TNRC6A: variants seen among roughly 807,000 people sequenced by gnomAD.
TNRC6A encodes the protein trinucleotide repeat containing adaptor 6A, also known as trinucleotide repeat-containing gene 6A protein.
Under a neutral mutation model 221.2 loss-of-function variants are expected in TNRC6A, and 44 were observed. The ratio of observed to expected loss-of-function variants is 0.20; its 90% CI spans 0.16 to 0.26. TNRC6A has a LOEUF of 0.26. Among genes scored for constraint, TNRC6A ranks in the 10% least tolerant of loss-of-function variants. TNRC6A has a pLI of 1.00. For missense variants in TNRC6A, 2,199 were observed against 2,404.4 expected (o/e 0.91, Z 1.79); for synonymous variants, 847 against 838.5 (o/e 1.01, Z -0.18).
Position 24,804,859 on chromosome 16 carries a change from C to T in TNRC6A, c.3984+8C>T, listed in dbSNP as rs576215951. 4.3e-6 allele frequency: 7 copies of T among 1,613,604 alleles called. No individual in the cohort carries two copies. The South Asian group carries it at 7.7e-5, about 18-fold the overall frequency. The stretch of plus-strand genomic sequence containing the variant: ...TTGAATTCTGTTAGACAGGTAAGTC[C>T]AGATGTGTATTTTAGGCTCTCAGTT... On this transcript the variant is annotated splice_region_variant and intron_variant, in intron 13 of 24. Transcript: ENST00000395799.
intron 2 of TNRC6A, among the ~76,000 whole-genome samples, chr16:24,732,119 A>G (rs1348604198): frequency 6.6e-6 from 1 of 152,220 alleles, no homozygotes; most frequent in African/African-American, 2.4e-5. Context: ...CAAATATCAA[A>G]GAGATTGTAA....
intron 2 of TNRC6A, among the ~76,000 whole-genome samples, chr16:24,692,897 T>A (rs2055784144): frequency 6.6e-6 from 1 of 152,098 alleles, no homozygotes; most frequent in Non-Finnish European, 1.5e-5. Context: ...ACAGTTCCTG[T>A]AGGCACTAGA....
In TNRC6A at chr16:24,776,972, C is replaced by A. The variant is rs374907396; in HGVS notation, c.203C>A (p.Pro68His). 1 of 1,614,140 alleles carries A rather than the reference C, an allele frequency of 6.2e-7. No individual in the cohort carries two copies. The highest frequency in any genetic ancestry group is 1.1e-5 in the South Asian group (1 of 91,076). Residue 68 changes from proline to histidine, a missense_variant, in exon 5 of 25, where the codon CCT (proline) becomes CAT (histidine). Coordinates refer to ENST00000395799, the MANE Select transcript of TNRC6A (RefSeq NM_014494.4). ...QIKPSVSQPQ[P>H]ANSNNGTSTA... ...AAGCCCAGTGTAAGCCAGCCTCAGC[C>A]TGCCAACTCTAATAACGGCACTTCC...
At chr16:24,644,503 A>G (rs1306269717) in intron 2 of TNRC6A, among the ~76,000 whole-genome samples, 2 of 152,152 alleles carry the variant, frequency 1.3e-5, no homozygotes, top group African/African-American at 2.4e-5. Flanking sequence ...TACGTTGCCC[A>G]GGCTGGTCTT....
chr16:24,797,513 A>G lies in TNRC6A; in HGVS notation c.3585A>G (p.Lys1195=), dbSNP rs781173171. 10 of 1,611,062 alleles carry G rather than the reference A, an allele frequency of 6.2e-6. No homozygotes were observed. The highest frequency in any genetic ancestry group is 8.5e-6 in the Non-Finnish European group (10 of 1,179,248). ...AGGGAATGATGAAAGGTGGAAACAA[A>G]CAAGAAGAAGCGTGGATAAATCCAT... ...RERGMMKGGN[K]QEEAWINPFV... The change falls in exon 10 of 25, where the codon AAA becomes AAG. Residue 1195 remains lysine (K), a synonymous_variant. Transcript: ENST00000395799.
At position 24,729,684 on chromosome 16, in the gene TNRC6A, T is replaced by TCGGTGTCGGTGTCGGCGGCGG. The variant is rs1276516599; in HGVS notation, c.-155_-154insTGTCGGTGTCGGCGGCGGCGG. ...TCTGGGGCCTGCGGCGGCGGCGGTG[T>TCGGTGTCGGTGTCGGCGGCGG]CGGCGGCGGCGGCGGCGGCGGCGGC... On this transcript the variant is annotated 5_prime_UTR_variant, in exon 1 of 25. Transcript: ENST00000395799. 1.6e-5 allele frequency: 10 copies of TCGGTGTCGGTGTCGGCGGCGG among 630,190 alleles called. No individual in the cohort carries two copies. Among genetic ancestry groups the TCGGTGTCGGTGTCGGCGGCGG allele is most frequent in the Non-Finnish European group, 2.3e-5 (10 of 441,378 alleles). The allele number at this position is 630,190 out of a possible 1,614,324, so 39.0% of individuals were successfully genotyped here.
chr16:24,696,217 G>A (rs963448551), intron 2 of TNRC6A, among the ~76,000 whole-genome samples: 1 of 151,668 alleles, frequency 6.6e-6, no homozygotes, highest in Non-Finnish European at 1.5e-5. Context: ...GCGTGGTGGC[G>A]GGCGCCTGTA....
At chr16:24,769,269 G>T (rs1259615940) in intron 4 of TNRC6A, among the ~76,000 whole-genome samples, 1 of 151,928 alleles carries the variant, frequency 6.6e-6, no homozygotes, top group Non-Finnish European at 1.5e-5. Context: ...TAATTTATTT[G>T]TCTTATTGGT....
Position 24,824,790 on chromosome 16 carries a change from C to A in TNRC6A, c.*983C>A. On this transcript the variant is annotated 3_prime_UTR_variant, in exon 25 of 25. Coordinates refer to ENST00000395799, the MANE Select transcript of TNRC6A (RefSeq NM_014494.4). ...AGTTTAAAAAAAAAAAAAAAAATTC[C>A]TTGTAGTTTCTTAGAGGAAAAAAAG... The A allele has an allele frequency of 6.7e-6, 1 of 149,450 alleles. No individual in the cohort carries two copies. The highest frequency in any genetic ancestry group is 2.5e-5 in the African/African-American group (1 of 39,882). The allele number at this position is 149,450 out of a possible 1,614,324, so 9.3% of individuals were successfully genotyped here.
In TNRC6A at chr16:24,657,332, A is replaced by AC. The variant is rs1214112131; in HGVS notation, n.402+16323_402+16324insC. Among the ~76,000 whole-genome samples the AC allele has an allele frequency of 2.7e-5, 4 of 148,980 alleles. No homozygotes were observed. In the East Asian group the frequency reaches 5.9e-4, roughly 22 times the overall value. On this transcript the variant is annotated intron_variant and non_coding_transcript_variant, in intron 2 of 2. Transcript: ENST00000566108. ...GACCCTATCTCAAAAAAAAAAAAAA[A>AC]AAAAAAAAAACAAACAAACAAAGAA... is the stretch of plus-strand genomic sequence containing the variant.
Position 24,694,328 on chromosome 16 carries a change from A to C in TNRC6A, n.402+53319A>C, listed in dbSNP as rs998587953. Among the ~76,000 whole-genome samples the C allele has an allele frequency of 9.2e-5, 14 of 152,194 alleles. No homozygotes were observed. In the South Asian group the frequency reaches 1.0e-3, roughly 11 times the overall value. On this transcript the variant is annotated intron_variant and non_coding_transcript_variant, in intron 2 of 2. Transcript: ENST00000566108. ...GTTTCCAAAACCCCAACACATGGAC[A>C]CAATGACCCTAACTGCAGTGATCCA...
At position 24,794,539 on chromosome 16, in the gene TNRC6A, A is replaced by T; in HGVS notation, c.3353-5A>T. ...TTTCTCTTTATATCACAAATCCACAATCAGGGCCAAAATCTATGCAAGATG... is the reference window on the plus strand; with the variant it reads ...TTTCTCTTTATATCACAAATCCACATTCAGGGCCAAAATCTATGCAAGATG... On this transcript the variant is annotated splice_region_variant and splice_polypyrimidine_tract_variant and intron_variant, in intron 7 of 24. Transcript: ENST00000395799. 6.2e-7 allele frequency: 1 copy of T among 1,604,992 alleles called. No individual in the cohort carries two copies. Among genetic ancestry groups the T allele is most frequent in the Non-Finnish European group, 8.5e-7 (1 of 1,177,026 alleles).
intron 4 of TNRC6A, among the ~76,000 whole-genome samples, chr16:24,771,332 G>A (rs995994905): frequency 2.0e-5 from 3 of 152,174 alleles, no homozygotes; most frequent in Non-Finnish European, 4.4e-5. Flanking sequence ...CAGAGGCAGT[G>A]TGGTTAAGTG....
At chr16:24,741,947 G>A (rs904442924) in intron 2 of TNRC6A, among the ~76,000 whole-genome samples, 10 of 152,088 alleles carry the variant, frequency 6.6e-5, no homozygotes, top group South Asian at 2.1e-4. Flanking sequence ...GGTGATCCTC[G>A]TGCTTCAGCC....
chr16:24,750,366 A>G (rs908469792), intron 2 of TNRC6A, among the ~76,000 whole-genome samples: 2 of 152,168 alleles, frequency 1.3e-5, no homozygotes, highest in Non-Finnish European at 2.9e-5. Flanking sequence ...GCCATTAGCT[A>G]CTAATTGATA....
chr16:24,821,994 A>G (rs2058774827), intron 22 of TNRC6A, 83 bp from the exon 23 acceptor site: 4 of 1,324,154 alleles, frequency 3.0e-6, no homozygotes, highest in Non-Finnish European at 1.1e-6. Context: ...AAGGAAGTCA[A>G]GAGGCCAGGT....
chr16:24,788,670 A>G (rs1466255999), intron 5 of TNRC6A, among the ~76,000 whole-genome samples: 1 of 135,710 alleles, frequency 7.4e-6, no homozygotes, highest in African/African-American at 2.8e-5. Context: ...TTTTTTTGAG[A>G]CGGAGTCTCG....
chr16:24,779,579 C>A (rs2151752450), intron 5 of TNRC6A, among the ~76,000 whole-genome samples: 1 of 152,264 alleles, frequency 6.6e-6, no homozygotes, highest in South Asian at 2.1e-4. Flanking sequence ...AGTGGCTAAT[C>A]CTTATGGGGT....
intron 15 of TNRC6A, 48 bp from the exon 16 acceptor site, chr16:24,806,143 ATTTGGAAGCACACAC>A: frequency 6.3e-7 from 1 of 1,591,032 alleles, no homozygotes; most frequent in Non-Finnish European, 8.6e-7. Context: ...TGCTGTCGTC[ATTTGGAAGCACACAC>A]TTTGTAATGG....
Sources: allele counts gnomAD v4.1 joint callset (sites outside exome capture counted in the v4.1 genomes callset), GRCh38; gene constraint gnomAD v4.1.1; transcripts MANE v1.5; gene names NCBI Gene and HGNC (gene_info 2026-07-23, HGNC 2026-07-21).